RBMS3: variants seen among roughly 807,000 people sequenced by gnomAD.
RBMS3 encodes RNA-binding motif, single-stranded-interacting protein 3.
In RBMS3, 27 loss-of-function variants were observed where a neutral mutation model predicts 66.8. The observed-to-expected ratio is 0.40, with a 90% CI of 0.30 to 0.56. RBMS3 has a LOEUF of 0.56. Among genes scored for constraint, RBMS3 ranks in the 20% least tolerant of loss-of-function variants. The pLI is 0.40. For synonymous variants in RBMS3, 188 were observed against 183.0 expected, an observed-to-expected ratio of 1.03 and a Z score of -0.22; for missense variants, 513 against 549.5, an observed-to-expected ratio of 0.93 and a Z score of 0.66.
chr3:29,497,886 A>T (rs74335876), intron 3 of RBMS3, among the ~76,000 whole-genome samples: 4,966 of 144,148 alleles, frequency 0.034, 115 homozygotes, highest in African/African-American at 0.06. Context: ...TTGGCCAGGT[A>T]TGTGTTCCAT....
At chr3:29,591,204 A>G (rs1194626088) in intron 4 of RBMS3, among the ~76,000 whole-genome samples, 1 of 152,150 alleles carries the variant, frequency 6.6e-6, no homozygotes, top group East Asian at 1.9e-4. Context: ...GCATACATAC[A>G]TTTTAGGTGG....
intron 1 of RBMS3, among the ~76,000 whole-genome samples, chr3:29,417,024 C>T (rs1443422775): frequency 6.6e-6 from 1 of 152,076 alleles, no homozygotes; most frequent in Non-Finnish European, 1.5e-5. Context: ...AATTATCTGT[C>T]TCTAGATAAT....
intron 4 of RBMS3, among the ~76,000 whole-genome samples, chr3:29,594,857 A>C (rs1334749282): frequency 3.9e-5 from 6 of 152,328 alleles, no homozygotes; most frequent in African/African-American, 1.2e-4. Flanking sequence ...TATTTGTATT[A>C]GCTTATATCG....
chr3:29,900,400 T>C (rs1051848597), intron 10 of RBMS3, among the ~76,000 whole-genome samples: 1 of 151,836 alleles, frequency 6.6e-6, no homozygotes, highest in African/African-American at 2.4e-5. Flanking sequence ...TTCTCTTTTT[T>C]ACTTGCTAGA....
intron 1 of RBMS3, among the ~76,000 whole-genome samples, chr3:29,308,758 A>AAAAAAAAAAAC (rs2034183382): frequency 1.1e-5 from 1 of 89,050 alleles, no homozygotes; most frequent in Admixed American, 9.9e-5. Context: ...AAAAAAAACA[A>AAAAAAAAAAAC]AAAAAAAAAC....
chr3:29,375,739 T>A (rs965832202), intron 1 of RBMS3, among the ~76,000 whole-genome samples: 1 of 152,168 alleles, frequency 6.6e-6, no homozygotes, highest in Non-Finnish European at 1.5e-5. Context: ...AGGGAACACT[T>A]TTACATGTTG....
At position 29,383,257 on chromosome 3, in the gene RBMS3, C is replaced by T. The variant is rs184423764; in HGVS notation, c.76-51486C>T. Among the ~76,000 whole-genome samples the T allele has an allele frequency of 2.5e-4, 38 of 152,324 alleles. No individual in the cohort carries two copies. In the East Asian group the frequency reaches 6.7e-3, roughly 27 times the overall value. On this transcript the variant is annotated intron_variant, in intron 1 of 14. Coordinates refer to ENST00000383767, the MANE Select transcript of RBMS3 (RefSeq NM_001003793.3). ...TATGTTTTTTGATCATAAGAATTGACACTTGAGTGGAAATATTCCTCTGAT... is the reference window on the plus strand; with the variant it reads ...TATGTTTTTTGATCATAAGAATTGATACTTGAGTGGAAATATTCCTCTGAT...
At chr3:29,935,541 G>T (rs183374506) in intron 10 of RBMS3, among the ~76,000 whole-genome samples, 2 of 152,016 alleles carry the variant, frequency 1.3e-5, no homozygotes, top group African/African-American at 4.8e-5. Context: ...TAGTAATTTC[G>T]ATTTTTAGAT....
At chr3:29,929,635 A>G (rs2061054925) in intron 10 of RBMS3, among the ~76,000 whole-genome samples, 1 of 152,138 alleles carries the variant, frequency 6.6e-6, no homozygotes, top group African/African-American at 2.4e-5. Context: ...TCAAAAATCA[A>G]CTTGAAATTA....
At chr3:29,971,456 T>G (rs77963615) in intron 12 of RBMS3, among the ~76,000 whole-genome samples, 1 of 152,150 alleles carries the variant, frequency 6.6e-6, no homozygotes, top group South Asian at 2.1e-4. Context: ...TAGGGGAATT[T>G]TTTTACTGGT....
intron 10 of RBMS3, chr3:29,934,213 T>C (rs2061206345): frequency 1.3e-5 from 2 of 151,990 alleles, no homozygotes; most frequent in Admixed American, 1.3e-4. Context: ...TAAGGGCAAA[T>C]ATTCTAAAAA....
chr3:29,425,590 A>G lies in RBMS3; in HGVS notation c.76-9153A>G, dbSNP rs1470677073. Among the ~76,000 whole-genome samples, 3 of 152,090 alleles carry G rather than the reference A, an allele frequency of 2.0e-5. No homozygotes were observed. The East Asian group carries it at 5.8e-4, about 29-fold the overall frequency. On this transcript the variant is annotated intron_variant, in intron 1 of 14. Transcript: ENST00000383767. ...GTGGTGGAGGTTGCAGTGAGCCAAG[A>G]TCATGTCACTGCACTCCAGCCTGGG...
chr3:29,939,142 G>A (rs1261689454), intron 11 of RBMS3, among the ~76,000 whole-genome samples: 2 of 151,888 alleles, frequency 1.3e-5, no homozygotes, highest in Non-Finnish European at 2.9e-5. Flanking sequence ...TTCTTTGGCT[G>A]CTAACATTCT....
chr3:29,441,900 C>A (rs1438527539), intron 2 of RBMS3, among the ~76,000 whole-genome samples: 1 of 152,166 alleles, frequency 6.6e-6, no homozygotes, highest in Non-Finnish European at 1.5e-5. Flanking sequence ...ATGGGACCTA[C>A]CACTGTGCTT....
intron 1 of RBMS3, among the ~76,000 whole-genome samples, chr3:29,296,242 G>C (rs765278948): frequency 6.6e-6 from 1 of 151,792 alleles, no homozygotes; most frequent in South Asian, 2.1e-4. Context: ...AGCAGTCAAG[G>C]ACAATGTTAA....
At chr3:29,482,752 G>A (rs1327648723) in intron 2 of RBMS3, among the ~76,000 whole-genome samples, 1 of 116,938 alleles carries the variant, frequency 8.6e-6, no homozygotes, top group Non-Finnish European at 1.6e-5. Flanking sequence ...CTGTCACCCA[G>A]GCTGGAGTGC....
intron 14 of RBMS3, among the ~76,000 whole-genome samples, chr3:29,993,466 T>G (rs1210906654): frequency 6.6e-6 from 1 of 152,150 alleles, no homozygotes; most frequent in African/African-American, 2.4e-5. Context: ...ACCCATATAT[T>G]TGGCAAAACA....
intron 1 of RBMS3, among the ~76,000 whole-genome samples, chr3:29,289,663 C>T (rs781516277): frequency 2.6e-5 from 4 of 151,754 alleles, no homozygotes; most frequent in African/African-American, 7.3e-5. Context: ...AAGTGAGACT[C>T]GACTACATGC....
intron 4 of RBMS3, among the ~76,000 whole-genome samples, chr3:29,666,781 G>T (rs9850247): frequency 0.015 from 2,252 of 152,070 alleles, 55 homozygotes; most frequent in African/African-American, 0.049. Flanking sequence ...AAAAATAACT[G>T]GTTACTTTGT....
Sources: gnomAD v4.1 joint callset for allele counts (sites outside exome capture counted in the v4.1 genomes callset) on GRCh38, gnomAD v4.1.1 for gene constraint, MANE v1.5 for transcripts, NCBI Gene and HGNC (gene_info 2026-07-23, HGNC 2026-07-21) for gene names.